STK31: variants seen among roughly 807,000 people sequenced by gnomAD.
STK31 encodes the protein serine/threonine-protein kinase 31.
Under a neutral mutation model 129.7 loss-of-function variants are expected in STK31, and 89 were observed. The observed-to-expected ratio is 0.69, with a 90% CI of 0.58 to 0.82. The LOEUF is 0.82. STK31 is among the 40% of genes least tolerant of loss of function. STK31 has a pLI of 0.00. For missense variants in STK31, 1,187 were observed against 1,176.4 expected (o/e 1.01, Z -0.13); for synonymous variants, 448 against 395.3 (o/e 1.13, Z -1.58).
chr7:23,711,936 ATTAG>A (rs61416122), intron 1 of STK31, among the ~76,000 whole-genome samples, 159 bp from the exon 2 acceptor site: 38,818 of 151,916 alleles, frequency 0.26, 5,301 homozygotes, highest in East Asian at 0.38. Context: ...ACTCAAAAGA[ATTAG>A]TTAGTGAAGG....
At chr7:23,806,215 A>T (rs1792694044) in intron 22 of STK31, among the ~76,000 whole-genome samples, 1 of 152,180 alleles carries the variant, frequency 6.6e-6, no homozygotes, top group African/African-American at 2.4e-5. Flanking sequence ...AGGCATCTTT[A>T]GGCTTGTCTC....
At chr7:23,723,205 C>T (rs1786833124) in intron 4 of STK31, among the ~76,000 whole-genome samples, 1 of 152,192 alleles carries the variant, frequency 6.6e-6, no homozygotes, top group African/African-American at 2.4e-5. Context: ...TGGAACCTCT[C>T]TCTCCTCTTT....
intron 10 of STK31, among the ~76,000 whole-genome samples, chr7:23,762,275 CCTTT>C (rs1191661310): frequency 4.2e-5 from 6 of 141,308 alleles, no homozygotes; most frequent in East Asian, 4.6e-4. Context: ...AAAGACATAT[CCTTT>C]CTTTCTTTCT....
rs1172424899 is a variant in STK31, at chr7:23,737,026, A to C, written c.965A>C (p.Glu322Ala). ...KLKTEKDALL[E>A]SYKALELKVE... Reference sequence around the variant, plus strand: ...AAAACAGAGAAGGACGCTCTTCTTGAAAGTTATAAGGCGTTAGAATTGAAA... The same window carrying C: ...AAAACAGAGAAGGACGCTCTTCTTGCAAGTTATAAGGCGTTAGAATTGAAA... Residue 322 changes from glutamate (E) to alanine (A), a missense_variant, in exon 8 of 24, where the codon GAA (glutamate) becomes GCA (alanine). Glu to Ala is a moderately radical substitution (Grantham distance 107). Transcript: ENST00000355870. The C allele has an allele frequency of 1.9e-6, 3 of 1,612,758 alleles. No homozygotes were observed. Among genetic ancestry groups the C allele is most frequent in the Non-Finnish European group, 2.5e-6 (3 of 1,179,768 alleles).
At chr7:23,727,996 A>G (rs1369267845) in intron 5 of STK31, among the ~76,000 whole-genome samples, 2 of 150,770 alleles carry the variant, frequency 1.3e-5, no homozygotes, top group Non-Finnish European at 2.9e-5. Flanking sequence ...GTTGATGTGA[A>G]TATTGTTAAT....
chr7:23,760,032 T>A (rs1789363877), intron 10 of STK31, among the ~76,000 whole-genome samples: 1 of 152,222 alleles, frequency 6.6e-6, no homozygotes, highest in African/African-American at 2.4e-5. Context: ...GGGAGGTAGT[T>A]GTTTGTGTGT....
At chr7:23,794,707 A>C (rs1791847758) in intron 22 of STK31, among the ~76,000 whole-genome samples, 1 of 152,178 alleles carries the variant, frequency 6.6e-6, no homozygotes, top group Non-Finnish European at 1.5e-5. Flanking sequence ...CCTGGAGATG[A>C]GGGACTTGTT....
intron 15 of STK31, among the ~76,000 whole-genome samples, chr7:23,774,629 G>A (rs1408384408): frequency 6.6e-6 from 1 of 152,146 alleles, no homozygotes; most frequent in African/African-American, 2.4e-5. Flanking sequence ...TGATGGGATT[G>A]TTTTTTTCTT....
chr7:23,713,223 G>A (rs1174859557), intron 3 of STK31, among the ~76,000 whole-genome samples: 1 of 152,088 alleles, frequency 6.6e-6, no homozygotes, highest in South Asian at 2.1e-4. Flanking sequence ...ACTGAATGCT[G>A]CAGACAATTG....
At position 23,781,291 on chromosome 7, in the gene STK31, C is replaced by CT; in HGVS notation, c.1966-124dup. On this transcript the variant is annotated intron_variant, in intron 15 of 23. Coordinates refer to ENST00000355870, the MANE Select transcript of STK31 (RefSeq NM_031414.5). ...TTAATTCAGCAAGTATTAGAAGGGT[C>CT]TTTTATGTGCTAGGTACTGAAGGAT... 4.9e-6 allele frequency: 3 copies of CT among 615,358 alleles called. No individual in the cohort carries two copies. The Admixed American group carries it at 1.0e-4, about 21-fold the overall frequency. 38.1% of individuals were successfully genotyped at this position (615,358 alleles called of 1,614,324 possible).
At chr7:23,787,943 C>A in intron 20 of STK31, 37 bp from the exon 21 acceptor site, 1 of 1,470,328 alleles carries the variant, frequency 6.8e-7, no homozygotes, top group Non-Finnish European at 9.0e-7. Context: ...AATGATTTGC[C>A]TACTTCCTCA....
At chr7:23,826,669 A>T in intron 23 of STK31, among the ~76,000 whole-genome samples, 1 of 152,130 alleles carries the variant, frequency 6.6e-6, no homozygotes, top group Admixed American at 6.5e-5. Flanking sequence ...TTTGCTTGTT[A>T]GTTGATGCAG....
intron 3 of STK31, 130 bp from the exon 4 acceptor site, chr7:23,717,351 C>G (rs1786406194): frequency 2.0e-6 from 1 of 498,312 alleles, no homozygotes; most frequent in African/African-American, 2.0e-5. Flanking sequence ...TGAAAAAATA[C>G]AGGCATAAGA....
intron 23 of STK31, among the ~76,000 whole-genome samples, chr7:23,831,466 T>A (rs1367676730): frequency 6.6e-6 from 1 of 152,188 alleles, no homozygotes; most frequent in African/African-American, 2.4e-5. Context: ...GAACATCTTT[T>A]CCCATCTTTT....
intron 23 of STK31, among the ~76,000 whole-genome samples, chr7:23,824,367 A>AT (rs1315826988): frequency 2.6e-5 from 4 of 152,290 alleles, no homozygotes; most frequent in African/African-American, 9.6e-5. Flanking sequence ...GCAATTGTGA[A>AT]TGGGAGTTCA....
chr7:23,720,949 T>A (rs1297541357), intron 4 of STK31, among the ~76,000 whole-genome samples: 1 of 152,184 alleles, frequency 6.6e-6, no homozygotes, highest in Admixed American at 6.5e-5. Flanking sequence ...GCAATTCAGA[T>A]CACATTATAT....
chr7:23,815,750 A>G (rs1034712764), intron 23 of STK31, among the ~76,000 whole-genome samples: 1 of 152,148 alleles, frequency 6.6e-6, no homozygotes, highest in Non-Finnish European at 1.5e-5. Flanking sequence ...ATTACACATC[A>G]TATGCTTGTA....
intron 11 of STK31, among the ~76,000 whole-genome samples, chr7:23,763,167 G>A (rs552233158): frequency 6.6e-6 from 1 of 152,280 alleles, no homozygotes; most frequent in Admixed American, 6.5e-5. Flanking sequence ...ATTCACTGGG[G>A]AAATTAATGG....
At chr7:23,721,221 A>G (rs892767638) in intron 4 of STK31, 1 of 384,488 alleles carries the variant, frequency 2.6e-6, no homozygotes, top group Non-Finnish European at 4.7e-6. Context: ...TGATGAAAGA[A>G]ATAATTCTCT....
Sources: allele counts gnomAD v4.1 joint callset (sites outside exome capture counted in the v4.1 genomes callset), GRCh38; gene constraint gnomAD v4.1.1; transcripts MANE v1.5; gene names NCBI Gene and HGNC (gene_info 2026-07-23, HGNC 2026-07-21).